DCLRE1C: variants seen among roughly 807,000 people sequenced by gnomAD.
DCLRE1C encodes the protein DNA cross-link repair 1C.
A neutral mutation model predicts 61.4 loss-of-function variants in DCLRE1C; 47 were observed. That is an observed-to-expected ratio of 0.77 (90% CI 0.61 to 0.98). The LOEUF is 0.98. Among genes scored for constraint, DCLRE1C ranks in the 50% least tolerant of loss-of-function variants. The pLI is 0.00. For missense variants in DCLRE1C, 858 were observed against 816.0 expected (o/e 1.05, Z -0.63); for synonymous variants, 337 against 287.6 (o/e 1.17, Z -1.74).
At chr10:14,946,398 G>C (rs887352526) in intron 2 of DCLRE1C, among the ~76,000 whole-genome samples, 2 of 152,130 alleles carry the variant, frequency 1.3e-5, no homozygotes, top group African/African-American at 4.8e-5. Flanking sequence ...GCCACACAAT[G>C]ACATACACCA....
chr10:14,953,383 C>T (rs530814978), intron 1 of DCLRE1C, among the ~76,000 whole-genome samples: 9 of 152,226 alleles, frequency 5.9e-5, no homozygotes, highest in African/African-American at 1.9e-4. Context: ...AGAAGGGAAA[C>T]ATCCCTCCAA....
downstream of DCLRE1C, chr10:14,902,419 A>G: frequency 6.2e-7 from 1 of 1,608,594 alleles, no homozygotes; most frequent in Non-Finnish European, 8.5e-7. Context: ...CTGGAGATAT[A>G]TCTTCAGATT....
At chr10:14,919,140 A>G (rs1191510677) in intron 13 of DCLRE1C, among the ~76,000 whole-genome samples, 1 of 152,220 alleles carries the variant, frequency 6.6e-6, no homozygotes, top group Non-Finnish European at 1.5e-5. Context: ...CAAAGGAATG[A>G]AAATCAAGAA....
chr10:14,923,083 A>G lies in DCLRE1C; in HGVS notation c.973-14T>C, dbSNP rs955715531. ...GAAATCTTTAATCTAGAAAAAGGAA[A>G]ATCACATGGATCAACAATCTCTACG... On this transcript the variant is annotated splice_polypyrimidine_tract_variant and intron_variant, in intron 11 of 13. Coordinates refer to ENST00000378278, the MANE Select transcript of DCLRE1C (RefSeq NM_001033855.3). 7.0e-6 allele frequency: 11 copies of G among 1,580,864 alleles called. No individual in the cohort carries two copies. Among genetic ancestry groups the G allele is most frequent in the Non-Finnish European group, 8.7e-6 (10 of 1,149,704 alleles).
At position 14,907,274 on chromosome 10, in the gene DCLRE1C, A is replaced by G. The variant is rs909002127; in HGVS notation, c.*1134T>C. On this transcript the variant is annotated 3_prime_UTR_variant, in exon 14 of 14. Transcript: ENST00000378278. ...GATAAATAAGGTGCTGATTTTGTCTATAGCCATCAGTTTATCATACTAGAT... is the reference window on the plus strand; with the variant it reads ...GATAAATAAGGTGCTGATTTTGTCTGTAGCCATCAGTTTATCATACTAGAT... 4.0e-5 allele frequency among the ~76,000 whole-genome samples: 6 copies of G among 150,628 alleles called. No homozygotes were observed. Among genetic ancestry groups the G allele is most frequent in the Admixed American group, 6.7e-5 (1 of 14,970 alleles).
intron 13 of DCLRE1C, chr10:14,899,529 T>C (rs911580226): frequency 6.2e-7 from 1 of 1,613,254 alleles, no homozygotes; most frequent in African/African-American, 1.3e-5. Flanking sequence ...TTACAGTTTT[T>C]TCTGTTTAGG....
At chr10:14,910,183 G>C (rs982897983) in intron 13 of DCLRE1C, among the ~76,000 whole-genome samples, 4 of 152,104 alleles carry the variant, frequency 2.6e-5, no homozygotes, top group African/African-American at 4.8e-5. Flanking sequence ...CATGTTCCCC[G>C]TGTGAAGCTA....
chr10:14,924,475 A>G (rs1216499760), intron 11 of DCLRE1C, among the ~76,000 whole-genome samples: 1 of 152,202 alleles, frequency 6.6e-6, no homozygotes, highest in African/African-American at 2.4e-5. Flanking sequence ...TAATGTCTCT[A>G]ATTTTAGATT....
At position 14,954,028 on chromosome 10, in the gene DCLRE1C, A is replaced by G. The variant is rs1173060685; in HGVS notation, c.-18T>C. 1 of 1,613,702 alleles carries G rather than the reference A, an allele frequency of 6.2e-7. No homozygotes were observed. Among genetic ancestry groups the G allele is most frequent in the Non-Finnish European group, 8.5e-7 (1 of 1,179,896 alleles). On this transcript the variant is annotated 5_prime_UTR_variant, in exon 1 of 14. Coordinates refer to ENST00000378278, the MANE Select transcript of DCLRE1C (RefSeq NM_001033855.3). The stretch of plus-strand genomic sequence containing the variant: ...GAACTCATAGCGCCGCCGATCCCAG[A>G]GTCCGGGACCCCAAAACCGCAGCTG...
chr10:14,907,693 T>C lies in DCLRE1C; in HGVS notation c.*715A>G, dbSNP rs1006377711. Among the ~76,000 whole-genome samples, 2 of 152,154 alleles carry C rather than the reference T, an allele frequency of 1.3e-5. No individual in the cohort carries two copies. Among genetic ancestry groups the C allele is most frequent in the African/African-American group, 4.8e-5 (2 of 41,426 alleles). On this transcript the variant is annotated 3_prime_UTR_variant, in exon 14 of 14. Coordinates refer to ENST00000378278, the MANE Select transcript of DCLRE1C (RefSeq NM_001033855.3). ...CATTTTTAATTGTTTACATGGTTTT[T>C]CCATCCTTTTAACCTATCAATCACT...
intron 12 of DCLRE1C, among the ~76,000 whole-genome samples, chr10:14,920,913 G>A (rs936988667): frequency 3.9e-5 from 6 of 152,034 alleles, no homozygotes; most frequent in African/African-American, 1.2e-4. Flanking sequence ...AACCCAAGAG[G>A]TGGAGTTTGC....
rs187226798 is a variant in DCLRE1C at position 14,925,330 on chromosome 10, T to C, written c.972+1513A>G. Among the ~76,000 whole-genome samples the C allele has an allele frequency of 3.3e-5, 5 of 149,268 alleles. No homozygotes were observed. In the East Asian group the frequency reaches 8.1e-4, roughly 24 times the overall value. On this transcript the variant is annotated intron_variant, in intron 11 of 13. Coordinates refer to ENST00000378278, the MANE Select transcript of DCLRE1C (RefSeq NM_001033855.3). ...CCCCAAGGAGATAAGAGACACCCAA[T>C]AAAGGAGCACCCCCTCTCATTTATA...
At chr10:14,934,066 G>A (rs1480721032) in intron 8 of DCLRE1C, among the ~76,000 whole-genome samples, 3 of 152,138 alleles carry the variant, frequency 2.0e-5, no homozygotes, top group African/African-American at 7.2e-5. Context: ...ACTGGCTCAG[G>A]CCTATAATCC....
Position 14,926,833 on chromosome 10 carries a change from A to T in DCLRE1C, c.972+10T>A. 6.2e-7 allele frequency: 1 copy of T among 1,608,832 alleles called. No homozygotes were observed. The highest frequency in any genetic ancestry group is 1.1e-5 in the South Asian group (1 of 90,980). On this transcript the variant is annotated intron_variant, in intron 11 of 13. Coordinates refer to ENST00000378278, the MANE Select transcript of DCLRE1C (RefSeq NM_001033855.3). ...GCGATAAGGGTTATGAGTATATGGGATCCTCTTACCTCACTGTAGGAGGAG... is the reference window on the plus strand; with the variant it reads ...GCGATAAGGGTTATGAGTATATGGGTTCCTCTTACCTCACTGTAGGAGGAG...
At chr10:14,932,530 A>G (rs1285692536) in intron 9 of DCLRE1C, among the ~76,000 whole-genome samples, 1 of 151,994 alleles carries the variant, frequency 6.6e-6, no homozygotes. Flanking sequence ...CCAGCTACTC[A>G]GGAGGCTGAG....
chr10:14,909,201 A>T lies in DCLRE1C; in HGVS notation c.1286T>A (p.Leu429Gln), dbSNP rs1400744315. Residue 429 changes from leucine to glutamine, a missense_variant, in exon 14 of 14, where the codon CTG (leucine) becomes CAG (glutamine). This residue lies in a region of DCLRE1C where 843 missense variants were observed against 783.5 expected (regional missense o/e 1.08). Transcript: ENST00000378278. The stretch of plus-strand genomic sequence containing the variant: ...TCTGCAGCATCCTGGGGTTTGTCTC[A>T]GTTTTTCAGGCTGCTTTTCTGATAC... ...TAVSEKQPEKLRQTPGCCRAE... is the reference protein window; with the variant it reads ...TAVSEKQPEKQRQTPGCCRAE... The T allele has an allele frequency of 1.2e-6, 2 of 1,613,996 alleles. No individual in the cohort carries two copies. Among genetic ancestry groups the T allele is most frequent in the South Asian group, 2.2e-5 (2 of 91,064 alleles).
intron 13 of DCLRE1C, among the ~76,000 whole-genome samples, chr10:14,917,493 A>AC (rs1564390052): frequency 6.6e-6 from 1 of 150,448 alleles, no homozygotes; most frequent in East Asian, 1.9e-4. Context: ...ATTTAAAAAA[A>AC]AAAAACAAAA....
chr10:14,936,325 TC>T (rs1326900558), intron 5 of DCLRE1C, among the ~76,000 whole-genome samples: 3 of 149,712 alleles, frequency 2.0e-5, no homozygotes, highest in African/African-American at 4.9e-5. Flanking sequence ...ATTCTTTCTT[TC>T]TTTTTTTTTT....
At chr10:14,934,225 G>C (rs1206974334) in intron 8 of DCLRE1C, among the ~76,000 whole-genome samples, 155 bp downstream of exon 8, 2 of 151,870 alleles carry the variant, frequency 1.3e-5, no homozygotes, top group African/African-American at 4.8e-5. Context: ...CTACTCAGGA[G>C]GCTGAGCCAG....
Sources: allele counts gnomAD v4.1 joint callset (sites outside exome capture counted in the v4.1 genomes callset), GRCh38; gene constraint gnomAD v4.1.1; regional missense constraint gnomAD v4.1.1; transcripts MANE v1.5; gene names NCBI Gene and HGNC (gene_info 2026-07-23, HGNC 2026-07-21).